TENM3: variants seen among roughly 807,000 people sequenced by gnomAD.
The protein encoded by TENM3 is teneurin transmembrane protein 3.
Under a neutral mutation model 255.1 loss-of-function variants are expected in TENM3, and 63 were observed. The observed-to-expected ratio is 0.25, with a 90% confidence interval of 0.20 to 0.30. The LOEUF (loss-of-function observed/expected upper bound fraction) is 0.30, where lower values mean the gene tolerates loss of function less well. TENM3 is among the 10% of genes least tolerant of loss of function. TENM3 has a pLI of 1.00. For synonymous variants in TENM3, 1,306 were observed against 1,322.3 expected, an observed-to-expected ratio of 0.99 and a Z score of 0.27; for missense variants, 2,929 against 3,461.1, an observed-to-expected ratio of 0.85 and a Z score of 3.86.
At chr4:181,981,512 G>A in the TENM3 span, among the ~76,000 whole-genome samples, 1 of 152,144 alleles carries the variant, frequency 6.6e-6, no homozygotes, top group Non-Finnish European at 1.5e-5. Flanking sequence ...GAGATTATAA[G>A]TAGATTACAT....
At chr4:182,703,571 A>C (rs998618328) in intron 12 of TENM3, among the ~76,000 whole-genome samples, 45 of 152,384 alleles carry the variant, frequency 3.0e-4, no homozygotes, top group Middle Eastern at 3.4e-3. Context: ...AGTGTATACA[A>C]GTGGTAAACA....
the TENM3 span, among the ~76,000 whole-genome samples, chr4:181,467,121 A>ATTTT: frequency 4.9e-5 from 1 of 20,358 alleles, no homozygotes; most frequent in Admixed American, 4.4e-4. Context: ...ATATATATAT[A>ATTTT]TATATTTTTT....
the TENM3 span, among the ~76,000 whole-genome samples, chr4:181,544,011 A>G: frequency 6.6e-6 from 1 of 152,174 alleles, no homozygotes; most frequent in Non-Finnish European, 1.5e-5. Flanking sequence ...GTTTTTAAAC[A>G]TGTGGTGAGA....
At chr4:182,165,652 C>T (rs955481206) in intron 1 of TENM3, among the ~76,000 whole-genome samples, 1 of 152,224 alleles carries the variant, frequency 6.6e-6, no homozygotes, top group Non-Finnish European at 1.5e-5. Context: ...ATGTATACAG[C>T]TTCCATGGGT....
the TENM3 span, among the ~76,000 whole-genome samples, chr4:181,739,440 A>G: frequency 6.6e-6 from 1 of 152,160 alleles, no homozygotes; most frequent in African/African-American, 2.4e-5. Flanking sequence ...CATATATGAC[A>G]TACTTGCTTT....
intron 3 of TENM3, among the ~76,000 whole-genome samples, chr4:182,397,689 TA>T (rs1452509638): frequency 6.6e-6 from 1 of 152,190 alleles, no homozygotes; most frequent in Non-Finnish European, 1.5e-5. Context: ...TATCATGCGC[TA>T]AACCAGTGGT....
At chr4:181,851,443 A>T in the TENM3 span, among the ~76,000 whole-genome samples, 1 of 152,306 alleles carries the variant, frequency 6.6e-6, no homozygotes, top group Admixed American at 6.5e-5. Flanking sequence ...CCAGAAGAGT[A>T]AAACCATTAG....
intron 23 of TENM3, 61 bp downstream of exon 23, chr4:182,773,708 A>T (rs1764455718): frequency 6.8e-7 from 1 of 1,474,974 alleles, no homozygotes; most frequent in South Asian, 1.3e-5. Context: ...ATGCGGCAAC[A>T]CCCACTTTCC....
intron 6 of TENM3, among the ~76,000 whole-genome samples, chr4:182,658,356 G>C (rs73869805): frequency 2.6e-5 from 4 of 152,104 alleles, no homozygotes; most frequent in Admixed American, 1.3e-4. Context: ...AGGACTCTGC[G>C]CTTGACAATA....
At chr4:182,796,155 A>T (rs935322504) in intron 26 of TENM3, among the ~76,000 whole-genome samples, 6 of 152,196 alleles carry the variant, frequency 3.9e-5, no homozygotes, top group African/African-American at 1.4e-4. Flanking sequence ...GTTGATTTTA[A>T]TACTCTCAAT....
At chr4:182,466,633 G>C (rs1468400833) in intron 3 of TENM3, among the ~76,000 whole-genome samples, 1 of 152,004 alleles carries the variant, frequency 6.6e-6, no homozygotes, top group Non-Finnish European at 1.5e-5. Flanking sequence ...TCCAGCCTCT[G>C]CGTGTCCATT....
chr4:182,518,474 A>T (rs1262290537), intron 3 of TENM3, among the ~76,000 whole-genome samples: 6 of 152,120 alleles, frequency 3.9e-5, no homozygotes, highest in African/African-American at 1.4e-4. Context: ...AAGAGCCCTT[A>T]AAAAAGATAA....
At chr4:181,960,761 A>G in the TENM3 span, among the ~76,000 whole-genome samples, 19 of 152,320 alleles carry the variant, frequency 1.2e-4, no homozygotes, top group African/African-American at 3.8e-4. Flanking sequence ...ATCATTATAT[A>G]TACTTTTTAG....
intron 3 of TENM3, among the ~76,000 whole-genome samples, chr4:182,399,755 C>T (rs937713582): frequency 6.6e-6 from 1 of 152,148 alleles, no homozygotes; most frequent in African/African-American, 2.4e-5. Context: ...GCTCGCCTGC[C>T]AGTTTGCAGT....
At chr4:182,324,610 G>A (rs1038870358) in intron 2 of TENM3, among the ~76,000 whole-genome samples, 1 of 152,198 alleles carries the variant, frequency 6.6e-6, no homozygotes, top group African/African-American at 2.4e-5. Context: ...CAGACATTGT[G>A]TCTGTGGCTA....
At chr4:182,680,992 A>G (rs994244065) in intron 10 of TENM3, among the ~76,000 whole-genome samples, 4 of 152,172 alleles carry the variant, frequency 2.6e-5, no homozygotes, top group African/African-American at 9.7e-5. Flanking sequence ...GCAAACCTTT[A>G]TGCCTTGAAA....
chr4:182,429,397 C>G (rs1428268365), intron 3 of TENM3, among the ~76,000 whole-genome samples: 1 of 152,026 alleles, frequency 6.6e-6, no homozygotes, highest in Non-Finnish European at 1.5e-5. Flanking sequence ...GTTTATTTGC[C>G]TACACATATA....
the TENM3 span, among the ~76,000 whole-genome samples, chr4:181,511,270 T>C: frequency 6.6e-6 from 1 of 152,218 alleles, no homozygotes; most frequent in South Asian, 2.1e-4. Flanking sequence ...ACCAAACCTG[T>C]GGTTAATAAT....
At chr4:181,727,732 C>T in the TENM3 span, among the ~76,000 whole-genome samples, 1 of 152,244 alleles carries the variant, frequency 6.6e-6, no homozygotes, top group Non-Finnish European at 1.5e-5. Context: ...ATTATTAAGC[C>T]TCCTTGAGAC....
Sources: allele counts gnomAD v4.1 joint callset (sites outside exome capture counted in the v4.1 genomes callset), GRCh38; gene constraint gnomAD v4.1.1; transcripts MANE v1.5; gene names NCBI Gene and HGNC (gene_info 2026-07-23, HGNC 2026-07-21).